The following COL23A1 variants were observed in gnomAD, a reference collection of about 807,000 sequenced individuals.
COL23A1 encodes the protein collagen type XXIII alpha 1 chain, also known as collagen alpha-1(XXIII) chain.
In COL23A1, 97 loss-of-function variants were observed where a neutral mutation model predicts 99.3. The observed-to-expected ratio is 0.98, with a 90% confidence interval of 0.83 to 1.16. The LOEUF (loss-of-function observed/expected upper bound fraction) is 1.16. COL23A1 is among the 50% of genes most tolerant of loss of function. The pLI, the probability that COL23A1 is intolerant of heterozygous loss-of-function variation, is 0.00. For synonymous variants in COL23A1, 320 were observed against 308.2 expected (o/e 1.04, Z -0.40); for missense variants, 762 against 757.4 (o/e 1.01, Z -0.07).
At chr5:178,278,128 G>A (rs116447083) in intron 5 of COL23A1, among the ~76,000 whole-genome samples, 2,273 of 152,324 alleles carry the variant, frequency 0.015, 70 homozygotes, top group African/African-American at 0.051. Flanking sequence ...CCGCCACAGC[G>A]TGGCCAAACT....
chr5:178,375,300 T>C (rs1763013320), intron 2 of COL23A1, among the ~76,000 whole-genome samples: 1 of 152,182 alleles, frequency 6.6e-6, no homozygotes, highest in Non-Finnish European at 1.5e-5. Flanking sequence ...CTACAGGGCA[T>C]GGGCTTTCTT....
intron 18 of COL23A1, among the ~76,000 whole-genome samples, chr5:178,249,716 A>ACACACACACACTCTCTCTCTCTCTCT: frequency 6.5e-5 from 6 of 92,744 alleles, no homozygotes; most frequent in Non-Finnish European, 8.7e-5. Flanking sequence ...ACACACACAC[A>ACACACACACACTCTCTCTCTCTCTCT]CTCTCTCTCT....
chr5:178,282,492 G>GC (rs1756951283), intron 5 of COL23A1, among the ~76,000 whole-genome samples: 1 of 152,184 alleles, frequency 6.6e-6, no homozygotes, highest in Admixed American at 6.5e-5. Flanking sequence ...GCCCATCCTG[G>GC]CCCCGGCCCT....
chr5:178,575,872 C>T (rs530426562), intron 1 of COL23A1, among the ~76,000 whole-genome samples: 1 of 152,332 alleles, frequency 6.6e-6, no homozygotes, highest in African/African-American at 2.4e-5. Flanking sequence ...TATGTGTCCT[C>T]AGAGAAACTC....
rs576419852 is a variant in COL23A1 at position 178,251,627 on chromosome 5, A to G, written c.1014+917T>C. Among the ~76,000 whole-genome samples the G allele has an allele frequency of 2.0e-5, 3 of 152,338 alleles. No individual in the cohort carries two copies. In the South Asian group the frequency reaches 6.2e-4, roughly 32 times the overall value. On this transcript the variant is annotated intron_variant, in intron 17 of 28. Coordinates refer to ENST00000390654, the MANE Select transcript of COL23A1 (RefSeq NM_173465.4). Reference sequence around the variant, plus strand: ...GGGGGTACACGGGCAGGGTTGTCACATGGGATTGCACGATGCTGAGGTTTG... The same window carrying G: ...GGGGGTACACGGGCAGGGTTGTCACGTGGGATTGCACGATGCTGAGGTTTG...
intron 8 of COL23A1, 145 bp downstream of exon 8, chr5:178,267,162 G>A (rs367898439): frequency 1.5e-5 from 13 of 870,280 alleles, no homozygotes; most frequent in East Asian, 7.9e-5. Context: ...GGCTTCCACC[G>A]GTGCTATGGG....
chr5:178,267,495 A>G (rs1412722781), intron 7 of COL23A1, among the ~76,000 whole-genome samples, 162 bp from the exon 8 acceptor site: 1 of 152,240 alleles, frequency 6.6e-6, no homozygotes, highest in East Asian at 1.9e-4. Flanking sequence ...ACGAGGAAGC[A>G]GACACAGTGA....
At position 178,244,220 on chromosome 5, in the gene COL23A1, A is replaced by G. The variant is rs572059825; in HGVS notation, c.1440+1722T>C. 6.0e-5 allele frequency among the ~76,000 whole-genome samples: 9 copies of G among 149,416 alleles called. No homozygotes were observed. In the South Asian group the frequency reaches 1.9e-3, roughly 32 times the overall value. ...TAGCCAGGATGGTCTCTATCTCTTGACCTCGTGATCCACCCGCCTCGGCTT... is the reference window on the plus strand; with the variant it reads ...TAGCCAGGATGGTCTCTATCTCTTGGCCTCGTGATCCACCCGCCTCGGCTT... On this transcript the variant is annotated intron_variant, in intron 25 of 28. Coordinates refer to ENST00000390654, the MANE Select transcript of COL23A1 (RefSeq NM_173465.4).
chr5:178,381,882 C>T (rs150295158), intron 2 of COL23A1, among the ~76,000 whole-genome samples: 102 of 152,326 alleles, frequency 6.7e-4, no homozygotes, highest in Non-Finnish European at 1.2e-3. Context: ...ACCATCCTTC[C>T]GCCTCGGCTT....
chr5:178,514,949 C>T (rs747781350), intron 2 of COL23A1, among the ~76,000 whole-genome samples: 77 of 152,242 alleles, frequency 5.1e-4, no homozygotes, highest in Admixed American at 9.8e-4. Flanking sequence ...TTTGTGTTTT[C>T]TGCTGAGGTT....
At position 178,290,461 on chromosome 5, in the gene COL23A1, C is replaced by T. The variant is rs370283504; in HGVS notation, c.407-92G>A. The T allele has an allele frequency of 2.2e-3, 3,378 of 1,532,746 alleles. 9 individuals carry two copies. Among genetic ancestry groups the T allele is most frequent in the Non-Finnish European group, 2.6e-3 (2,904 of 1,106,522 alleles). The allele number at this position is 1,532,746 out of a possible 1,614,324, so 94.9% of individuals were successfully genotyped here. On this transcript the variant is annotated intron_variant, in intron 3 of 28. Transcript: ENST00000390654. ...ACGGTCCCCTCACCTGTCCTCAGCA[C>T]GGCTCCTGGCCACCTCTCCCCGGAA...
intron 2 of COL23A1, among the ~76,000 whole-genome samples, chr5:178,543,419 T>C (rs570605418): frequency 6.6e-6 from 1 of 152,178 alleles, no homozygotes; most frequent in Non-Finnish European, 1.5e-5. Flanking sequence ...TAGTTGGTTT[T>C]TATAACAGTC....
At chr5:178,572,512 G>T (rs1763160252) in intron 1 of COL23A1, among the ~76,000 whole-genome samples, 1 of 151,966 alleles carries the variant, frequency 6.6e-6, no homozygotes, top group South Asian at 2.1e-4. Flanking sequence ...GCAATAAAGA[G>T]AAAATCTTAA....
At chr5:178,349,133 C>G (rs1287130618) in intron 2 of COL23A1, among the ~76,000 whole-genome samples, 1 of 152,108 alleles carries the variant, frequency 6.6e-6, no homozygotes, top group Non-Finnish European at 1.5e-5. Context: ...ATGATTGATG[C>G]GGAGAAAAAC....
chr5:178,586,014 T>C (rs189001917), intron 1 of COL23A1, among the ~76,000 whole-genome samples: 62 of 152,320 alleles, frequency 4.1e-4, no homozygotes, highest in African/African-American at 1.4e-3. Flanking sequence ...CTCTCTTCCC[T>C]GCCCCCTTCC....
rs191074454 is a variant in COL23A1 at position 178,282,001 on chromosome 5, G to A, written c.441+6323C>T. ...CAGGAGGCGAAGGTTACAGTGAGCC[G>A]AGATCATGCCACTGCACTCCAGCCT... On this transcript the variant is annotated intron_variant, in intron 5 of 28. Transcript: ENST00000390654. 4.2e-3 allele frequency among the ~76,000 whole-genome samples: 582 copies of A among 139,826 alleles called. 7 individuals carry two copies. The highest frequency in any genetic ancestry group is 0.014 in the African/African-American group (549 of 38,468). The allele number at this position is 139,826 out of a possible 152,430, so 91.7% of individuals were successfully genotyped here. A position where few individuals can be genotyped will look rare whatever the true frequency, so the allele number is the denominator to read the frequency against.
chr5:178,574,007 C>T (rs1187158417), intron 1 of COL23A1, among the ~76,000 whole-genome samples: 2 of 152,042 alleles, frequency 1.3e-5, no homozygotes, highest in African/African-American at 4.8e-5. Context: ...TACAGGCGCC[C>T]ACCATCACGC....
intron 1 of COL23A1, among the ~76,000 whole-genome samples, chr5:178,561,090 T>C (rs1290075516): frequency 3.3e-5 from 5 of 152,276 alleles, no homozygotes; most frequent in African/African-American, 1.2e-4. Flanking sequence ...GGAGGGAGGC[T>C]GGGGCTGAGG....
At chr5:178,272,030 C>T (rs1053470610) in intron 5 of COL23A1, among the ~76,000 whole-genome samples, 3 of 152,226 alleles carry the variant, frequency 2.0e-5, no homozygotes, top group Admixed American at 6.5e-5. Context: ...TCAGGGTCCT[C>T]TGTGGTTAGG....
Sources: allele counts gnomAD v4.1 joint callset (sites outside exome capture counted in the v4.1 genomes callset), GRCh38; gene constraint gnomAD v4.1.1; transcripts MANE v1.5; gene names NCBI Gene and HGNC (gene_info 2026-07-23, HGNC 2026-07-21).